The following MAPRE2 variants were observed in gnomAD, a reference collection of about 807,000 sequenced individuals.
The protein encoded by MAPRE2 is microtubule associated protein RP/EB family member 2, also known as microtubule-associated protein RP/EB family member 2.
In MAPRE2, 13 loss-of-function variants were observed where a neutral mutation model predicts 43.2. The observed-to-expected ratio is 0.30, with a 90% confidence interval of 0.20 to 0.48. The LOEUF is 0.48. Ranked by LOEUF, MAPRE2 falls within the 20% of genes least tolerant of loss-of-function variation. The probability of loss-of-function intolerance (pLI) is 0.99; values close to 1 mark genes in which losing one functional copy is unlikely to be tolerated. For missense variants in MAPRE2, 161 were observed against 400.2 expected (o/e 0.40, Z 5.10); for synonymous variants, 135 against 148.8 (o/e 0.91, Z 0.68).
intron 1 of MAPRE2, among the ~76,000 whole-genome samples, chr18:35,062,357 T>C (rs1180446297): frequency 1.1e-4 from 17 of 152,262 alleles, no homozygotes; most frequent in Admixed American, 1.1e-3. Context: ...TATTGGTGAT[T>C]GATAAATCTC....
intron 2 of MAPRE2, among the ~76,000 whole-genome samples, chr18:35,013,050 A>G (rs1481000108): frequency 6.6e-6 from 1 of 152,208 alleles, no homozygotes; most frequent in Non-Finnish European, 1.5e-5. Flanking sequence ...ACATGCCCAT[A>G]AAGGTTATAT....
intron 2 of MAPRE2, among the ~76,000 whole-genome samples, chr18:35,036,273 G>A (rs1036083406): frequency 2.6e-5 from 4 of 151,748 alleles, no homozygotes; most frequent in Admixed American, 6.6e-5. Context: ...TGAATTTTAC[G>A]ACCCCTTGCC....
intron 1 of MAPRE2, among the ~76,000 whole-genome samples, chr18:35,058,712 C>T (rs1310199941): frequency 6.6e-6 from 1 of 152,166 alleles, no homozygotes; most frequent in East Asian, 1.9e-4. Context: ...ACATTTTGAG[C>T]TTTTCTTCAC....
intron 2 of MAPRE2, among the ~76,000 whole-genome samples, chr18:35,034,926 A>G (rs1401900945): frequency 2.0e-5 from 3 of 151,950 alleles, no homozygotes; most frequent in Non-Finnish European, 4.4e-5. Context: ...ACTGTAAACT[A>G]GTTCAACCAT....
chr18:35,109,518 A>C (rs1909075931), intron 4 of MAPRE2, among the ~76,000 whole-genome samples: 1 of 152,148 alleles, frequency 6.6e-6, no homozygotes, highest in African/African-American at 2.4e-5. Flanking sequence ...GTTTGATGGA[A>C]ATAGCTTTGA....
At chr18:35,048,659 A>T (rs560401222) in intron 1 of MAPRE2, among the ~76,000 whole-genome samples, 78 of 149,148 alleles carry the variant, frequency 5.2e-4, no homozygotes, top group African/African-American at 1.9e-3. Context: ...ATGTGTTTAT[A>T]GTATATGTAT....
At chr18:35,045,427 C>T (rs1004370223) in intron 1 of MAPRE2, among the ~76,000 whole-genome samples, 3 of 145,774 alleles carry the variant, frequency 2.1e-5, no homozygotes, top group Non-Finnish European at 4.5e-5. Context: ...TACAGTAGCA[C>T]ATGTTTCTGA....
chr18:35,035,767 G>T (rs939291873), intron 2 of MAPRE2, among the ~76,000 whole-genome samples: 3 of 148,260 alleles, frequency 2.0e-5, no homozygotes, highest in Admixed American at 6.9e-5. Context: ...CCTGTGATTT[G>T]CCCTACTAGG....
intron 6 of MAPRE2, among the ~76,000 whole-genome samples, chr18:35,139,709 G>A (rs963775911): frequency 6.6e-6 from 1 of 152,178 alleles, no homozygotes; most frequent in Non-Finnish European, 1.5e-5. Flanking sequence ...TCCTTAGCCT[G>A]GGAACCTCTA....
intron 1 of MAPRE2, among the ~76,000 whole-genome samples, chr18:34,990,101 A>G (rs1250420780): frequency 6.6e-6 from 1 of 152,160 alleles, no homozygotes; most frequent in African/African-American, 2.4e-5. Flanking sequence ...TTTCCAATAC[A>G]ATGATTTGTA....
intron 1 of MAPRE2, among the ~76,000 whole-genome samples, chr18:34,990,989 A>T (rs1384276360): frequency 2.6e-5 from 4 of 152,034 alleles, no homozygotes; most frequent in South Asian, 2.1e-4. Context: ...TGATGGGGGG[A>T]GGATCAGCTC....
At chr18:35,119,542 C>G (rs1286928499) in intron 4 of MAPRE2, among the ~76,000 whole-genome samples, 1 of 152,112 alleles carries the variant, frequency 6.6e-6, no homozygotes, top group Non-Finnish European at 1.5e-5. Flanking sequence ...TTCCCAGGTA[C>G]ATAATAGGGT....
At chr18:35,055,565 A>ATG (rs35542955) in intron 1 of MAPRE2, among the ~76,000 whole-genome samples, 15,274 of 72,416 alleles carry the variant, frequency 0.21, 892 homozygotes, top group East Asian at 0.37. Flanking sequence ...GTGTGTGTGT[A>ATG]TGTGTGTGTG....
chr18:35,009,887 G>T (rs1286718415), intron 2 of MAPRE2, among the ~76,000 whole-genome samples: 15 of 152,152 alleles, frequency 9.9e-5, no homozygotes, highest in African/African-American at 2.9e-4. Flanking sequence ...GGGTTAGACA[G>T]TGGCATTACC....
intron 2 of MAPRE2, among the ~76,000 whole-genome samples, chr18:35,019,438 T>C (rs889340661): frequency 2.6e-5 from 4 of 152,002 alleles, no homozygotes; most frequent in Non-Finnish European, 4.4e-5. Context: ...AAGTGTTGAA[T>C]TTGAGTCCGG....
At chr18:35,026,369 C>G (rs1329127968) in intron 2 of MAPRE2, among the ~76,000 whole-genome samples, 1 of 152,156 alleles carries the variant, frequency 6.6e-6, no homozygotes, top group Non-Finnish European at 1.5e-5. Context: ...TTGTCTAAAC[C>G]AATGGCCGCA....
upstream of MAPRE2, among the ~76,000 whole-genome samples, chr18:35,038,257 T>C (rs1236349276): frequency 6.6e-6 from 1 of 152,184 alleles, no homozygotes; most frequent in Non-Finnish European, 1.5e-5. Flanking sequence ...CACTTCCTGA[T>C]TATCCCCTTA....
At chr18:35,060,319 G>A (rs1682877968) in intron 1 of MAPRE2, among the ~76,000 whole-genome samples, 1 of 152,170 alleles carries the variant, frequency 6.6e-6, no homozygotes, top group Admixed American at 6.5e-5. Flanking sequence ...ACTGAGAAAA[G>A]TTGGTGCCCT....
At chr18:35,117,042 C>A (rs1909443074) in intron 4 of MAPRE2, among the ~76,000 whole-genome samples, 1 of 152,190 alleles carries the variant, frequency 6.6e-6, no homozygotes, top group Admixed American at 6.5e-5. Flanking sequence ...CAGCAAACCA[C>A]ATGGGAGAAG....
Sources: allele counts gnomAD v4.1 joint callset (sites outside exome capture counted in the v4.1 genomes callset), GRCh38; gene constraint gnomAD v4.1.1; transcripts MANE v1.5; gene names NCBI Gene and HGNC (gene_info 2026-07-23, HGNC 2026-07-21).